The following CTR9 variants were observed in gnomAD, a reference collection of about 807,000 sequenced individuals.
The protein encoded by CTR9 is CTR9 component of Paf1/RNA polymerase II complex.
In CTR9, 41 loss-of-function variants were observed where a neutral mutation model predicts 152.1. The ratio of observed to expected loss-of-function variants is 0.27; its 90% confidence interval spans 0.21 to 0.35. CTR9 has a LOEUF of 0.35. Among genes scored for constraint, CTR9 ranks in the 10% least tolerant of loss-of-function variants. The pLI, the probability that CTR9 is intolerant of heterozygous loss-of-function variation, is 1.00. For synonymous variants in CTR9, 476 were observed against 496.2 expected, an observed-to-expected ratio of 0.96 and a Z score of 0.54; for missense variants, 917 against 1,424.4, an observed-to-expected ratio of 0.64 and a Z score of 5.73.
chr11:10,779,294 C>T lies in CTR9; in HGVS notation c.*189C>T, dbSNP rs889310548. On this transcript the variant is annotated 3_prime_UTR_variant, in exon 25 of 25. Transcript: ENST00000361367. ...GCTAGAGTCCAATATTTGAGTCTCT[C>T]GTGCAAATGAGACTATTCTTTGTGG... The T allele has an allele frequency of 1.9e-5, 11 of 581,138 alleles. No individual in the cohort carries two copies. Among genetic ancestry groups the T allele is most frequent in the African/African-American group, 9.4e-5 (5 of 53,446 alleles). 36.0% of individuals were successfully genotyped at this position (581,138 alleles called of 1,614,324 possible).
intron 19 of CTR9, 96 bp downstream of exon 19, chr11:10,771,712 T>TG: frequency 1.2e-6 from 1 of 824,220 alleles, no homozygotes; most frequent in Non-Finnish European, 2.1e-6. Flanking sequence ...GTTCCTGACC[T>TG]TCCACAGGTC....
At chr11:10,761,841 C>G (rs1353534710) in intron 6 of CTR9, 106 bp from the exon 7 acceptor site, 1 of 619,200 alleles carries the variant, frequency 1.6e-6, no homozygotes, top group Non-Finnish European at 2.8e-6. Flanking sequence ...GTTTTAGTGT[C>G]TGATCTTAGG....
intron 24 of CTR9, among the ~76,000 whole-genome samples, chr11:10,778,199 A>T (rs1863272793): frequency 6.6e-6 from 1 of 152,182 alleles, no homozygotes; most frequent in African/African-American, 2.4e-5. Context: ...GGTACCTGTT[A>T]GCACCGATGG....
Position 10,775,254 on chromosome 11 carries a change from G to T in CTR9, c.2933G>T (p.Gly978Val). 6.2e-7 allele frequency: 1 copy of T among 1,613,888 alleles called. No individual in the cohort carries two copies. The highest frequency in any genetic ancestry group is 2.2e-5 in the East Asian group (1 of 44,864). ...EGSDDDETEN[G>V]PKPKKRRPPK... ...TCTGATGATGATGAAACAGAAAATG[G>T]CCCCAAACCAAAAAAACGACGTCCA... The change falls in exon 23 of 25, where the codon GGC becomes GTC. Residue 978 changes from glycine to valine, a missense_variant. Coordinates refer to ENST00000361367, the MANE Select transcript of CTR9 (RefSeq NM_014633.5).
At chr11:10,757,374 G>C (rs1862902045) in intron 5 of CTR9, among the ~76,000 whole-genome samples, 2 of 152,064 alleles carry the variant, frequency 1.3e-5, no homozygotes, top group Admixed American at 6.6e-5. Flanking sequence ...AGGATTGCTT[G>C]AGCCCAGGAA....
chr11:10,776,971 G>GAAAAAAAAAA, intron 24 of CTR9, among the ~76,000 whole-genome samples: 1 of 63,236 alleles, frequency 1.6e-5, no homozygotes, highest in Non-Finnish European at 2.8e-5. Flanking sequence ...AGACTCTTGT[G>GAAAAAAAAAA]AAAAAAAAAA....
intron 16 of CTR9, among the ~76,000 whole-genome samples, chr11:10,768,917 A>C (rs913330789): frequency 6.6e-6 from 1 of 152,216 alleles, no homozygotes; most frequent in African/African-American, 2.4e-5. Context: ...TAAATGACTT[A>C]TTTAAAAGAA....
At chr11:10,770,437 A>G in intron 17 of CTR9, 50 bp from the exon 18 acceptor site, 1 of 1,595,828 alleles carries the variant, frequency 6.3e-7, no homozygotes, top group Non-Finnish European at 8.5e-7. Flanking sequence ...GCTGTCTAAG[A>G]TCCTTTTCAT....
Position 10,763,517 on chromosome 11 carries a change from A to G in CTR9, c.936A>G (p.Leu312=), listed in dbSNP as rs997393196. The G allele has an allele frequency of 1.9e-6, 3 of 1,605,266 alleles. No homozygotes were observed. The highest frequency in any genetic ancestry group is 1.1e-5 in the South Asian group (1 of 89,430). ...EAMQAESCYQ[L]ARSFHVQEDY... is the part of the protein sequence containing the mutation. ...TGCAAGCAGAGAGCTGCTATCAGCT[A>G]GCTAGATCATTCCATGTTCAGGTAA... The change falls in exon 8 of 25, where the codon CTA becomes CTG. Residue 312 remains leucine, a synonymous_variant. Coordinates refer to ENST00000361367, the MANE Select transcript of CTR9 (RefSeq NM_014633.5).
intron 24 of CTR9, among the ~76,000 whole-genome samples, chr11:10,776,832 G>A (rs950060374): frequency 6.6e-6 from 1 of 151,908 alleles, no homozygotes; most frequent in Non-Finnish European, 1.5e-5. Context: ...AATTAACCAG[G>A]CATGGTGGCG....
In CTR9 at chr11:10,779,693, A is replaced by T. The variant is rs186752140; in HGVS notation, c.*588A>T. On this transcript the variant is annotated 3_prime_UTR_variant, in exon 25 of 25. Transcript: ENST00000361367. Reference sequence around the variant, plus strand: ...GTGTGGAAAATGCTTTTCTGTTAGTAGAATGCAAAAACCTACCTAAGCCAC... The same window carrying T: ...GTGTGGAAAATGCTTTTCTGTTAGTTGAATGCAAAAACCTACCTAAGCCAC... 6.6e-6 allele frequency: 1 copy of T among 152,414 alleles called. No individual in the cohort carries two copies. The highest frequency in any genetic ancestry group is 1.9e-4 in the East Asian group (1 of 5,196). The allele number at this position is 152,414 out of a possible 1,614,324, so 9.4% of individuals were successfully genotyped here.
intron 16 of CTR9, among the ~76,000 whole-genome samples, chr11:10,768,936 A>T: frequency 6.6e-6 from 1 of 152,202 alleles, no homozygotes. Context: ...AAAACAGGCC[A>T]GGCATGGTGG....
chr11:10,753,097 G>C (rs1325363393), intron 2 of CTR9, among the ~76,000 whole-genome samples: 2 of 152,186 alleles, frequency 1.3e-5, no homozygotes, highest in Non-Finnish European at 2.9e-5. Flanking sequence ...GCTTCTGTGT[G>C]AACATTGCTG....
chr11:10,775,701 C>T, intron 24 of CTR9, 68 bp downstream of exon 24: 1 of 983,170 alleles, frequency 1.0e-6, no homozygotes, highest in South Asian at 1.5e-5. Flanking sequence ...ACTAATCAGC[C>T]TGTCTGTACT....
rs1227620545 is a variant in CTR9 at position 10,768,334 on chromosome 11, T to G, written c.1961-9T>G. The G allele has an allele frequency of 1.2e-6, 2 of 1,604,560 alleles. No individual in the cohort carries two copies. The highest frequency in any genetic ancestry group is 1.7e-6 in the Non-Finnish European group (2 of 1,177,456). ...AAATTGTTAAGTGTGAACCTTTTTA[T>G]ATCTTTAGGAGCTGTTTTGGCCCAC... is the stretch of plus-strand genomic sequence containing the variant. On this transcript the variant is annotated splice_polypyrimidine_tract_variant and intron_variant, in intron 15 of 24. Coordinates refer to ENST00000361367, the MANE Select transcript of CTR9 (RefSeq NM_014633.5).
At chr11:10,773,686 G>C (rs1863180341) in intron 21 of CTR9, among the ~76,000 whole-genome samples, 1 of 151,954 alleles carries the variant, frequency 6.6e-6, no homozygotes, top group South Asian at 2.1e-4. Flanking sequence ...TCAGGAGTCT[G>C]AGACCAGTTT....
At chr11:10,756,924 G>A (rs963651527) in intron 5 of CTR9, 86 bp downstream of exon 5, 3 of 913,302 alleles carry the variant, frequency 3.3e-6, no homozygotes, top group African/African-American at 3.4e-5. Context: ...ATGAAGTTAT[G>A]AAAAGATATT....
intron 6 of CTR9, among the ~76,000 whole-genome samples, chr11:10,761,265 A>G (rs1018386977): frequency 2.0e-5 from 3 of 152,352 alleles, no homozygotes; most frequent in Non-Finnish European, 2.9e-5. Context: ...GGACTGGTGT[A>G]GATCAATCAT....
rs1477449869 is a variant in CTR9 at position 10,778,837 on chromosome 11, C to T, written c.3254C>T (p.Ser1085Leu). The change falls in exon 25 of 25, where the codon TCA becomes TTA. Residue 1085 changes from serine (S) to leucine (L), a missense_variant. This residue lies in a region of CTR9 where 384 missense variants were observed against 398.4 expected (regional missense o/e 0.96). Coordinates refer to ENST00000361367, the MANE Select transcript of CTR9 (RefSeq NM_014633.5). ...RPRRQRSDQD[S>L]DSDQPSRKRR... ...CGAAGACAGCGGTCAGATCAGGACTCAGACAGTGACCAGCCATCCAGAAAG... is the reference window on the plus strand; with the variant it reads ...CGAAGACAGCGGTCAGATCAGGACTTAGACAGTGACCAGCCATCCAGAAAG... 6.2e-7 allele frequency: 1 copy of T among 1,614,222 alleles called. No individual in the cohort carries two copies. The highest frequency in any genetic ancestry group is 8.5e-7 in the Non-Finnish European group (1 of 1,180,040).
Sources: allele counts gnomAD v4.1 joint callset (sites outside exome capture counted in the v4.1 genomes callset), GRCh38; gene constraint gnomAD v4.1.1; regional missense constraint gnomAD v4.1.1; transcripts MANE v1.5; gene names NCBI Gene and HGNC (gene_info 2026-07-23, HGNC 2026-07-21).